PAPOLA: variants seen among roughly 807,000 people sequenced by gnomAD.
The protein encoded by PAPOLA is poly(A) polymerase alpha.
Under a neutral mutation model 100.6 loss-of-function variants are expected in PAPOLA, and 15 were observed. That is an observed-to-expected ratio of 0.15 (90% CI 0.10 to 0.23). The LOEUF is 0.23. Among genes scored for constraint, PAPOLA ranks in the 10% least tolerant of loss-of-function variants. The probability of loss-of-function intolerance (pLI) is 1.00; values close to 1 mark genes in which losing one functional copy is unlikely to be tolerated. For synonymous variants in PAPOLA, 293 were observed against 300.0 expected, an observed-to-expected ratio of 0.98 and a Z score of 0.24; for missense variants, 533 against 884.2, an observed-to-expected ratio of 0.60 and a Z score of 5.04.
At chr14:96,532,054 A>G (rs947438433) in intron 7 of PAPOLA, 6 of 1,271,712 alleles carry the variant, frequency 4.7e-6, no homozygotes, top group Non-Finnish European at 5.9e-6. Context: ...TTTAATTGTG[A>G]ATCTGAAGTT....
intron 10 of PAPOLA, 99 bp from the exon 11 acceptor site, chr14:96,535,780 A>G (rs1344030826): frequency 9.2e-7 from 1 of 1,086,306 alleles, no homozygotes; most frequent in Non-Finnish European, 1.2e-6. Context: ...TGAATGAAAT[A>G]AAAAATAGAA....
intron 12 of PAPOLA, among the ~76,000 whole-genome samples, chr14:96,539,197 A>AG (rs558707550): frequency 3.9e-4 from 59 of 152,274 alleles, no homozygotes; most frequent in African/African-American, 1.4e-3. Flanking sequence ...CTAGGAATAA[A>AG]GGAAAAGTAT....
intron 4 of PAPOLA, among the ~76,000 whole-genome samples, 189 bp downstream of exon 4, chr14:96,525,580 G>GTT (rs1566843794): frequency 2.8e-4 from 43 of 152,184 alleles, no homozygotes; most frequent in African/African-American, 9.6e-4. Context: ...CTGTCCAAAA[G>GTT]TATTATTAAG....
chr14:96,554,105 G>A (rs562761235), intron 17 of PAPOLA, among the ~76,000 whole-genome samples: 41 of 152,266 alleles, frequency 2.7e-4, no homozygotes, highest in African/African-American at 9.6e-4. Context: ...TATAAAATGT[G>A]TACAACTGTA....
chr14:96,531,979 T>C, intron 7 of PAPOLA: 1 of 1,247,708 alleles, frequency 8.0e-7, no homozygotes, highest in African/African-American at 1.6e-5. Flanking sequence ...CTTGTTACTG[T>C]GCTCTTGAAG....
intron 15 of PAPOLA, among the ~76,000 whole-genome samples, chr14:96,545,404 GT>G (rs892314508): frequency 1.3e-5 from 2 of 152,048 alleles, no homozygotes; most frequent in Non-Finnish European, 2.9e-5. Context: ...TGATACAAGT[GT>G]TGTCTGTAGG....
rs532552920 is a variant in PAPOLA, at chr14:96,519,043, C to T, written c.9-1012C>T. 2.6e-5 allele frequency among the ~76,000 whole-genome samples: 4 copies of T among 151,938 alleles called. No individual in the cohort carries two copies. In the South Asian group the frequency reaches 6.2e-4, roughly 24 times the overall value. On this transcript the variant is annotated intron_variant, in intron 1 of 21. Transcript: ENST00000216277. ...CTGTACTCCAGCCTGGGTGACAGAG[C>T]GAGACTCCATCTCAAAAAATAAGAG...
intron 17 of PAPOLA, among the ~76,000 whole-genome samples, chr14:96,554,767 G>A (rs149007505): frequency 3.0e-4 from 45 of 152,316 alleles, no homozygotes; most frequent in African/African-American, 9.9e-4. Flanking sequence ...AATTGGATGG[G>A]AGAGTAAAGG....
intron 18 of PAPOLA, 100 bp downstream of exon 18, chr14:96,556,047 T>G: frequency 8.6e-7 from 1 of 1,165,586 alleles, no homozygotes; most frequent in Non-Finnish European, 1.3e-6. Context: ...AAATTCAGTT[T>G]TTTAAATGCC....
At chr14:96,528,734 AAAG>A (rs1898724126) in intron 6 of PAPOLA, among the ~76,000 whole-genome samples, 1 of 152,230 alleles carries the variant, frequency 6.6e-6, no homozygotes, top group African/African-American at 2.4e-5. Flanking sequence ...AAAAAATAAA[AAAG>A]ATAATTCACT....
At chr14:96,519,031 T>TG (rs889763742) in intron 1 of PAPOLA, among the ~76,000 whole-genome samples, 6 of 151,974 alleles carry the variant, frequency 3.9e-5, no homozygotes, top group Non-Finnish European at 8.8e-5. Context: ...TACTCCAGCC[T>TG]GGGTGACAGA....
intron 16 of PAPOLA, 135 bp from the exon 17 acceptor site, chr14:96,552,345 T>G (rs1347141096): frequency 1.3e-6 from 1 of 763,398 alleles, no homozygotes; most frequent in Non-Finnish European, 2.1e-6. Context: ...AGAGTCAGCA[T>G]GGCACATCTA....
At position 96,534,488 on chromosome 14, in the gene PAPOLA, CAG is replaced by C. The variant is rs1271056177; in HGVS notation, c.837-2_837-1del. The C allele has an allele frequency of 6.2e-7, 1 of 1,612,718 alleles. No homozygotes were observed. Among genetic ancestry groups the C allele is most frequent in the Admixed American group, 1.7e-5 (1 of 59,700 alleles). On this transcript the variant is annotated splice_acceptor_variant, in intron 9 of 21. Transcript: ENST00000216277. LOFTEE classifies it high-confidence loss of function. ...TATCAAGTGCTACAATCTTTTTAAACAGGGAATGGCCAAATCCAGTGCTATTG... is the reference window on the plus strand; with the variant it reads ...TATCAAGTGCTACAATCTTTTTAAACGGAATGGCCAAATCCAGTGCTATTG...
At chr14:96,527,280 T>A (rs1173818543) in intron 4 of PAPOLA, 150 bp from the exon 5 acceptor site, 1 of 596,062 alleles carries the variant, frequency 1.7e-6, no homozygotes, top group Non-Finnish European at 3.0e-6. Flanking sequence ...TTGTCCTCCA[T>A]TGACTGGTAA....
intron 12 of PAPOLA, 33 bp from the exon 13 acceptor site, chr14:96,542,210 A>G: frequency 7.1e-7 from 1 of 1,401,054 alleles, no homozygotes; most frequent in Non-Finnish European, 1.0e-6. Flanking sequence ...GCGTGTAAAT[A>G]AAATAAATAG....
chr14:96,531,605 C>G lies in PAPOLA; in HGVS notation c.607+19C>G. 6.3e-7 allele frequency: 1 copy of G among 1,584,586 alleles called. No homozygotes were observed. The highest frequency in any genetic ancestry group is 8.6e-7 in the Non-Finnish European group (1 of 1,163,598). ...CTTAACGGTATGAGAAAGCCTACTT[C>G]CTTTTGTGTACTTCAGTTTTTGTCA... On this transcript the variant is annotated intron_variant, in intron 7 of 21. Transcript: ENST00000216277.
At chr14:96,553,511 TAAAAAAAAAAAA>T (rs758321681) in intron 17 of PAPOLA, 2 of 130,310 alleles carry the variant, frequency 1.5e-5, no homozygotes. Flanking sequence ...GACCCTGTCT[TAAAAAAAAAAAA>T]AAAAAAAAAT....
intron 19 of PAPOLA, among the ~76,000 whole-genome samples, chr14:96,559,654 A>G (rs1191689981): frequency 6.8e-6 from 1 of 148,092 alleles, no homozygotes. Flanking sequence ...TATATTTAAA[A>G]CTTTCTGTAT....
At position 96,531,472 on chromosome 14, in the gene PAPOLA, C is replaced by T. The variant is rs759334936; in HGVS notation, c.496-3C>T. 6.3e-6 allele frequency: 10 copies of T among 1,593,714 alleles called. No homozygotes were observed. The African/African-American group carries it at 1.2e-4, about 19-fold the overall frequency. On this transcript the variant is annotated splice_region_variant and splice_polypyrimidine_tract_variant and intron_variant, in intron 6 of 21. Transcript: ENST00000216277. Reference sequence around the variant, plus strand: ...ATGGAATGTTGTTTTGTTTGTGTTTCAGATTGATATTTTGTTTGCAAGATT... The same window carrying T: ...ATGGAATGTTGTTTTGTTTGTGTTTTAGATTGATATTTTGTTTGCAAGATT...
Sources: allele counts gnomAD v4.1 joint callset (sites outside exome capture counted in the v4.1 genomes callset), GRCh38; gene constraint gnomAD v4.1.1; transcripts MANE v1.5; gene names NCBI Gene and HGNC (gene_info 2026-07-23, HGNC 2026-07-21).